RARB: variants seen among roughly 807,000 people sequenced by gnomAD.
RARB encodes the protein retinoic acid receptor beta.
Under a neutral mutation model 51.9 loss-of-function variants are expected in RARB, and 17 were observed. The ratio of observed to expected loss-of-function variants is 0.33; its 90% CI spans 0.22 to 0.49. The LOEUF is 0.49. RARB is among the 20% of genes least tolerant of loss of function. The pLI is 0.99. For synonymous variants in RARB, 215 were observed against 195.4 expected, an observed-to-expected ratio of 1.10 and a Z score of -0.84; for missense variants, 369 against 550.8, an observed-to-expected ratio of 0.67 and a Z score of 3.30.
intron 5 of RARB, among the ~76,000 whole-genome samples, chr3:25,297,439 GCTTA>G (rs1451237909): frequency 5.9e-5 from 3 of 50,998 alleles, no homozygotes; most frequent in Non-Finnish European, 1.1e-4. Context: ...TTGACTTACA[GCTTA>G]CTTTTAATTT....
intron 2 of RARB, among the ~76,000 whole-genome samples, chr3:24,884,491 A>AC (rs1553610671): frequency 2.6e-5 from 4 of 152,046 alleles, no homozygotes. Context: ...CATAGCACAG[A>AC]TTTTTTTCCC....
chr3:25,127,492 G>T (rs1166773209), intron 3 of RARB, among the ~76,000 whole-genome samples: 1 of 152,116 alleles, frequency 6.6e-6, no homozygotes, highest in African/African-American at 2.4e-5. Context: ...TCATCTATCG[G>T]CTTTGTTTCC....
chr3:25,130,894 A>ATATCAATATTTATTATTGATAATAT (rs1559477435), intron 3 of RARB, among the ~76,000 whole-genome samples: 2 of 42,676 alleles, frequency 4.7e-5, no homozygotes, highest in Non-Finnish European at 8.6e-5. Flanking sequence ...ATTATTGATA[A>ATATCAATATTTATTATTGATAATAT]TATCAATATT....
intron 3 of RARB, among the ~76,000 whole-genome samples, chr3:25,501,927 G>A (rs1433949178): frequency 6.6e-6 from 1 of 152,192 alleles, no homozygotes; most frequent in Non-Finnish European, 1.5e-5. Flanking sequence ...ATCTGATGAT[G>A]GGGATTTGAA....
At chr3:25,235,941 A>C (rs1287258277) in intron 5 of RARB, among the ~76,000 whole-genome samples, 2 of 152,134 alleles carry the variant, frequency 1.3e-5, no homozygotes, top group Non-Finnish European at 2.9e-5. Context: ...TTTTAAATCA[A>C]CTCTAGGATT....
intron 2 of RARB, among the ~76,000 whole-genome samples, chr3:24,954,672 G>A (rs1381168584): frequency 6.6e-6 from 1 of 152,090 alleles, no homozygotes; most frequent in Non-Finnish European, 1.5e-5. Flanking sequence ...GGAGAGAAGG[G>A]GGTGGAGTCA....
At chr3:25,112,118 G>T (rs1322291563) in intron 3 of RARB, among the ~76,000 whole-genome samples, 1 of 152,178 alleles carries the variant, frequency 6.6e-6, no homozygotes, top group African/African-American at 2.4e-5. Flanking sequence ...TAAAAGAACA[G>T]ACTCTTGTAG....
chr3:24,846,050 G>A (rs545755046), intron 1 of RARB, among the ~76,000 whole-genome samples: 1 of 152,312 alleles, frequency 6.6e-6, no homozygotes, highest in South Asian at 2.1e-4. Flanking sequence ...ATTCTCCAGT[G>A]CAACAGGGTT....
chr3:25,154,305 C>G (rs1197794075), intron 4 of RARB, among the ~76,000 whole-genome samples: 2 of 152,214 alleles, frequency 1.3e-5, no homozygotes, highest in African/African-American at 4.8e-5. Context: ...CCTTAGCTTG[C>G]TGAAGGGTAC....
chr3:25,167,146 C>T (rs1477121909), intron 4 of RARB, among the ~76,000 whole-genome samples: 1 of 152,182 alleles, frequency 6.6e-6, no homozygotes, highest in African/African-American at 2.4e-5. Flanking sequence ...ACTCCCTCTT[C>T]AGAGAAGACA....
chr3:25,174,357 T>C, exon 5 of RARB: 4 of 1,341,732 alleles, frequency 3.0e-6, no homozygotes, highest in Non-Finnish European at 3.9e-6. Context: ...GAGTGATGTG[T>C]TCCTGCTCCA....
chr3:25,084,169 G>A lies in RARB; in HGVS notation c.-328+23993G>A, dbSNP rs373110404. ...ACATTCTATCTAACTCAGCAGTTCCGTGTTCCAGTTGACTCCTCCTCTTCT... is the reference window on the plus strand; with the variant it reads ...ACATTCTATCTAACTCAGCAGTTCCATGTTCCAGTTGACTCCTCCTCTTCT... On this transcript the variant is annotated intron_variant, in intron 3 of 11. Transcript: ENST00000383772. 2.4e-3 allele frequency among the ~76,000 whole-genome samples: 370 copies of A among 152,224 alleles called. 1 individual carries two copies. Among genetic ancestry groups the A allele is most frequent in the African/African-American group, 8.5e-3 (355 of 41,558 alleles).
intron 5 of RARB, among the ~76,000 whole-genome samples, chr3:25,592,871 T>C (rs1701664524): frequency 6.6e-6 from 1 of 152,180 alleles, no homozygotes; most frequent in Non-Finnish European, 1.5e-5. Context: ...TTCACTCATG[T>C]CCCTTGTATT....
At chr3:25,582,780 G>A (rs1701230969) in intron 5 of RARB, among the ~76,000 whole-genome samples, 1 of 152,100 alleles carries the variant, frequency 6.6e-6, no homozygotes, top group African/African-American at 2.4e-5. Flanking sequence ...AGAGTCAGTA[G>A]AACAGAAACC....
intron 2 of RARB, among the ~76,000 whole-genome samples, chr3:24,876,559 T>G (rs991344459): frequency 6.6e-6 from 1 of 152,130 alleles, no homozygotes; most frequent in African/African-American, 2.4e-5. Context: ...ATATTAGCAT[T>G]TAATATTTTA....
intron 5 of RARB, among the ~76,000 whole-genome samples, chr3:25,303,313 C>G (rs1173320776): frequency 6.6e-6 from 1 of 152,192 alleles, no homozygotes; most frequent in Non-Finnish European, 1.5e-5. Context: ...CCCCTTTAAT[C>G]TGATTCTTCA....
At chr3:25,036,335 G>A (rs1482925614) in intron 2 of RARB, among the ~76,000 whole-genome samples, 1 of 152,130 alleles carries the variant, frequency 6.6e-6, no homozygotes, top group African/African-American at 2.4e-5. Flanking sequence ...CCTGAGGTTA[G>A]AATTTGAAGC....
In RARB at chr3:25,291,894, T is replaced by G. The variant is rs550553141; in HGVS notation, c.178+117319T>G. ...ACAGAGGCACAAAAGAACATCCTTT[T>G]GTTCTGAACTTGGAATATTAATCTT... On this transcript the variant is annotated intron_variant, in intron 5 of 11. Transcript: ENST00000383772. Among the ~76,000 whole-genome samples, 5 of 152,290 alleles carry G rather than the reference T, an allele frequency of 3.3e-5. No homozygotes were observed. In the South Asian group the frequency reaches 1.0e-3, roughly 32 times the overall value.
At chr3:25,102,009 T>C (rs1235546341) in intron 3 of RARB, among the ~76,000 whole-genome samples, 2 of 152,164 alleles carry the variant, frequency 1.3e-5, no homozygotes, top group East Asian at 1.9e-4. Context: ...GGTACAGGTC[T>C]CCAGTCCTTA....
Sources: allele counts gnomAD v4.1 joint callset (sites outside exome capture counted in the v4.1 genomes callset), GRCh38; gene constraint gnomAD v4.1.1; transcripts MANE v1.5; gene names NCBI Gene and HGNC (gene_info 2026-07-23, HGNC 2026-07-21).